CACNB4: variants seen among roughly 807,000 people sequenced by gnomAD.
The protein encoded by CACNB4 is voltage-dependent L-type calcium channel subunit beta-4.
CACNB4 carries 32 observed loss-of-function variants against 71.2 expected under a neutral mutation model. That is an observed-to-expected ratio of 0.45 (90% CI 0.34 to 0.60). The LOEUF (loss-of-function observed/expected upper bound fraction) is 0.60. CACNB4 is among the 20% of genes least tolerant of loss of function. The pLI is 0.01. For synonymous variants in CACNB4, 231 were observed against 236.9 expected, an observed-to-expected ratio of 0.97 and a Z score of 0.23; for missense variants, 464 against 647.9, an observed-to-expected ratio of 0.72 and a Z score of 3.08.
At chr2:151,910,458 C>A (rs909725703) in intron 2 of CACNB4, among the ~76,000 whole-genome samples, 1 of 152,072 alleles carries the variant, frequency 6.6e-6, no homozygotes, top group Non-Finnish European at 1.5e-5. Context: ...TGTCTTTAAT[C>A]CATCTTGAGT....
intron 2 of CACNB4, among the ~76,000 whole-genome samples, chr2:152,088,315 AAAGG>A (rs1207555977): frequency 6.6e-6 from 1 of 152,202 alleles, no homozygotes; most frequent in African/African-American, 2.4e-5. Flanking sequence ...AGAAGAAAAA[AAAGG>A]AAGACGATAT....
At chr2:152,063,873 A>G (rs79537661) in intron 2 of CACNB4, among the ~76,000 whole-genome samples, 1,930 of 152,308 alleles carry the variant, frequency 0.013, 45 homozygotes, top group African/African-American at 0.044. Context: ...AGAAAAGTTG[A>G]AAATTCAGAC....
intron 2 of CACNB4, among the ~76,000 whole-genome samples, chr2:151,908,227 A>G (rs565581796): frequency 1.3e-5 from 2 of 152,290 alleles, no homozygotes; most frequent in Admixed American, 6.5e-5. Flanking sequence ...TAAGGAGATC[A>G]TTTGCTGCTA....
intron 9 of CACNB4, among the ~76,000 whole-genome samples, chr2:151,864,748 T>C (rs1261294370): frequency 6.6e-6 from 1 of 152,110 alleles, no homozygotes; most frequent in African/African-American, 2.4e-5. Flanking sequence ...TCTCATGGGG[T>C]TGCCATTAAG....
At chr2:152,097,531 A>G (rs915617313) in intron 2 of CACNB4, among the ~76,000 whole-genome samples, 1 of 152,178 alleles carries the variant, frequency 6.6e-6, no homozygotes, top group Non-Finnish European at 1.5e-5. Flanking sequence ...CCCAGCAGCC[A>G]GGGGTGGTTT....
chr2:151,865,476 C>A (rs755746052), intron 9 of CACNB4, among the ~76,000 whole-genome samples: 1 of 152,198 alleles, frequency 6.6e-6, no homozygotes, highest in Non-Finnish European at 1.5e-5. Flanking sequence ...ATCCAGTTGT[C>A]AAAAGCCTAA....
At chr2:151,987,793 A>G (rs940189216) in intron 2 of CACNB4, among the ~76,000 whole-genome samples, 2 of 152,194 alleles carry the variant, frequency 1.3e-5, no homozygotes, top group Non-Finnish European at 2.9e-5. Context: ...AGAATGAATC[A>G]CAGTTTCGAT....
At chr2:151,913,940 T>C (rs761934824) in intron 2 of CACNB4, among the ~76,000 whole-genome samples, 3 of 152,076 alleles carry the variant, frequency 2.0e-5, no homozygotes, top group African/African-American at 4.8e-5. Context: ...GAGAATCTGA[T>C]GATTATGTGT....
intron 2 of CACNB4, among the ~76,000 whole-genome samples, chr2:151,966,272 T>G (rs565064562): frequency 0.014 from 674 of 47,128 alleles, 2 homozygotes; most frequent in Non-Finnish European, 0.053. Context: ...TCTTTCTTTC[T>G]TTTTCTTTTA....
chr2:151,951,749 C>T (rs2099866955), intron 2 of CACNB4, among the ~76,000 whole-genome samples: 1 of 152,182 alleles, frequency 6.6e-6, no homozygotes, highest in Admixed American at 6.5e-5. Context: ...TCTGTTTCTT[C>T]CTAACATAAA....
At chr2:152,023,660 C>A (rs1326615575) in intron 2 of CACNB4, among the ~76,000 whole-genome samples, 1 of 152,122 alleles carries the variant, frequency 6.6e-6, no homozygotes, top group Non-Finnish European at 1.5e-5. Flanking sequence ...GTCTCCAACT[C>A]CTCATCTCAG....
intron 2 of CACNB4, among the ~76,000 whole-genome samples, chr2:151,991,351 C>T (rs1038711922): frequency 1.3e-5 from 2 of 152,160 alleles, no homozygotes; most frequent in Non-Finnish European, 2.9e-5. Flanking sequence ...CCTGAAGAAC[C>T]AGTTTTCCCA....
At chr2:151,908,667 T>C (rs1228708179) in intron 2 of CACNB4, among the ~76,000 whole-genome samples, 2 of 152,180 alleles carry the variant, frequency 1.3e-5, no homozygotes, top group African/African-American at 4.8e-5. Context: ...CTTTAAGAAT[T>C]TGAAAGGCTC....
At chr2:151,881,747 T>A (rs1436231777) in intron 3 of CACNB4, among the ~76,000 whole-genome samples, 1 of 152,220 alleles carries the variant, frequency 6.6e-6, no homozygotes, top group Non-Finnish European at 1.5e-5. Flanking sequence ...GGAACAGCAG[T>A]TAAGGCTGAA....
chr2:152,072,512 G>GTT (rs1686751865), intron 2 of CACNB4, among the ~76,000 whole-genome samples: 1 of 152,146 alleles, frequency 6.6e-6, no homozygotes, highest in African/African-American at 2.4e-5. Context: ...AGATAATATC[G>GTT]TAAGTCAAAT....
intron 9 of CACNB4, among the ~76,000 whole-genome samples, chr2:151,863,667 T>C (rs2099842335): frequency 1.3e-5 from 2 of 152,202 alleles, no homozygotes; most frequent in South Asian, 4.1e-4. Flanking sequence ...ATTCACACTT[T>C]TTTTTTCTGA....
chr2:152,048,935 G>A (rs931286687), intron 2 of CACNB4: 4 of 152,214 alleles, frequency 2.6e-5, no homozygotes, highest in African/African-American at 9.7e-5. Context: ...ATACTCTCAG[G>A]TGACTGTATG....
At chr2:152,054,222 C>T (rs1338036692) in intron 2 of CACNB4, among the ~76,000 whole-genome samples, 4 of 151,510 alleles carry the variant, frequency 2.6e-5, no homozygotes, top group African/African-American at 4.9e-5. Flanking sequence ...AAAAATTAGC[C>T]GGGCGTGGTG....
At chr2:151,886,740 C>T (rs1411054398) in intron 2 of CACNB4, among the ~76,000 whole-genome samples, 1 of 152,096 alleles carries the variant, frequency 6.6e-6, no homozygotes, top group Non-Finnish European at 1.5e-5. Context: ...AGAAGTCCAA[C>T]ATTCAAGAGC....
Sources: allele counts gnomAD v4.1 joint callset (sites outside exome capture counted in the v4.1 genomes callset), GRCh38; gene constraint gnomAD v4.1.1; transcripts MANE v1.5; gene names NCBI Gene and HGNC (gene_info 2026-07-23, HGNC 2026-07-21).